SMNDC1: variants seen among roughly 807,000 people sequenced by gnomAD.
SMNDC1 encodes the protein survival of motor neuron-related-splicing factor 30.
Under a neutral mutation model 29.2 loss-of-function variants are expected in SMNDC1, and 5 were observed. The observed-to-expected ratio is 0.17, with a 90% CI of 0.09 to 0.36. The LOEUF is 0.36. Among genes scored for constraint, SMNDC1 ranks in the 10% least tolerant of loss-of-function variants. The pLI is 1.00. For synonymous variants in SMNDC1, 80 were observed against 89.9 expected, an observed-to-expected ratio of 0.89 and a Z score of 0.62; for missense variants, 142 against 268.5, an observed-to-expected ratio of 0.53 and a Z score of 3.29.
intron 1 of SMNDC1, chr10:110,304,207 A>C (rs1857703728): frequency 6.6e-6 from 1 of 152,262 alleles, no homozygotes; most frequent in African/African-American, 2.4e-5. Flanking sequence ...CGCCAAATCC[A>C]GCTCAGTCAT....
chr10:110,303,317 G>T, intron 2 of SMNDC1, 151 bp downstream of exon 2: 1 of 592,028 alleles, frequency 1.7e-6, no homozygotes, highest in Non-Finnish European at 2.8e-6. Context: ...AACTGGGGAA[G>T]CAACCCTACT....
chr10:110,299,302 T>C (rs1857611961), intron 2 of SMNDC1, among the ~76,000 whole-genome samples: 1 of 152,182 alleles, frequency 6.6e-6, no homozygotes, highest in Non-Finnish European at 1.5e-5. Flanking sequence ...CTACAGGCAA[T>C]GTAAAAGAAA....
Position 110,292,059 on chromosome 10 carries a change from AG to A in SMNDC1, c.*2090del, listed in dbSNP as rs1373695119. 6.6e-6 allele frequency: 1 copy of A among 152,222 alleles called. No homozygotes were observed. The highest frequency in any genetic ancestry group is 3.2e-3 in the Middle Eastern group (1 of 316). The allele number at this position is 152,222 out of a possible 1,614,324, so 9.4% of individuals were successfully genotyped here. On this transcript the variant is annotated 3_prime_UTR_variant, in exon 6 of 6. Coordinates refer to ENST00000369603, the MANE Select transcript of SMNDC1 (RefSeq NM_005871.4). ...AGGTTTATATTTTGTTTCAGAATAT[AG>A]AGAGCTTAACCACCTTCAACTGTAA...
At chr10:110,298,627 A>T in intron 3 of SMNDC1, 21 bp downstream of exon 3, 2 of 1,561,656 alleles carry the variant, frequency 1.3e-6, no homozygotes, top group Non-Finnish European at 1.7e-6. Flanking sequence ...TTATAGTTAG[A>T]GTTTTTTTTT....
rs184690362 is a variant in SMNDC1, at chr10:110,295,709, T to C, written c.426-328A>G. On this transcript the variant is annotated intron_variant, in intron 4 of 5. Transcript: ENST00000369603. ...GGAGTTGGAGTACAGTGGCACAATCTTGGCTCACAGCAACCTCCACCTCCT... is the reference window on the plus strand; with the variant it reads ...GGAGTTGGAGTACAGTGGCACAATCCTGGCTCACAGCAACCTCCACCTCCT... Among the ~76,000 whole-genome samples, 287 of 151,986 alleles carry C rather than the reference T, an allele frequency of 1.9e-3. 1 individual carries two copies. The highest frequency in any genetic ancestry group is 4.3e-3 in the Admixed American group (66 of 15,234).
rs749704645 is a variant in SMNDC1 at position 110,291,420 on chromosome 10, TAC to T, written c.*2728_*2729del. The T allele has an allele frequency of 5.3e-5, 8 of 152,354 alleles. No individual in the cohort carries two copies. Among genetic ancestry groups the T allele is most frequent in the Non-Finnish European group, 1.0e-4 (7 of 68,034 alleles). The allele number at this position is 152,354 out of a possible 1,614,324, so 9.4% of individuals were successfully genotyped here. On this transcript the variant is annotated 3_prime_UTR_variant, in exon 6 of 6. Transcript: ENST00000369603. Reference sequence around the variant, plus strand: ...TGGTAATTTGATAACACTTCAATAATACAGTTATAATTGGATGCCTCAAATCA... The same window carrying T: ...TGGTAATTTGATAACACTTCAATAATAGTTATAATTGGATGCCTCAAATCA...
At chr10:110,298,612 TC>T (rs1452667959) in intron 3 of SMNDC1, 35 bp downstream of exon 3, 1 of 1,548,348 alleles carries the variant, frequency 6.5e-7, no homozygotes, top group Non-Finnish European at 8.8e-7. Context: ...TTTTATTATT[TC>T]ATGTTATAGT....
rs1329903102 is a variant in SMNDC1, at chr10:110,290,990, A to C, written c.*3160T>G. ...TTTAAGGCAGACATTTGGCATTAGA[A>C]TTGCATACTGGAAACAGACACACAC... On this transcript the variant is annotated 3_prime_UTR_variant, in exon 6 of 6. Transcript: ENST00000369603. 1 of 152,182 alleles carries C rather than the reference A, an allele frequency of 6.6e-6. No homozygotes were observed. Among genetic ancestry groups the C allele is most frequent in the Non-Finnish European group, 1.5e-5 (1 of 68,030 alleles). The allele number at this position is 152,182 out of a possible 1,614,324, so 9.4% of individuals were successfully genotyped here.
intron 3 of SMNDC1, 125 bp downstream of exon 3, chr10:110,298,523 T>G: frequency 1.4e-6 from 1 of 708,180 alleles, no homozygotes; most frequent in Non-Finnish European, 2.2e-6. Context: ...TCAAATTGGC[T>G]CTATAAATCA....
chr10:110,296,554 T>G (rs968916280), intron 4 of SMNDC1, among the ~76,000 whole-genome samples: 1 of 152,130 alleles, frequency 6.6e-6, no homozygotes, highest in African/African-American at 2.4e-5. Context: ...ACCAAAATAT[T>G]GTTAATTCTG....
At chr10:110,295,939 G>T (rs1857557326) in intron 4 of SMNDC1, among the ~76,000 whole-genome samples, 1 of 152,190 alleles carries the variant, frequency 6.6e-6, no homozygotes, top group African/African-American at 2.4e-5. Flanking sequence ...ACTGCGCCCA[G>T]CCTTAATTAT....
intron 3 of SMNDC1, among the ~76,000 whole-genome samples, chr10:110,298,302 T>TA (rs1442995948): frequency 2.0e-5 from 3 of 152,224 alleles, no homozygotes; most frequent in African/African-American, 7.2e-5. Context: ...AGATATTTCT[T>TA]ATAGGAATGA....
At chr10:110,300,853 C>G (rs1191153378) in intron 2 of SMNDC1, 1 of 298,496 alleles carries the variant, frequency 3.4e-6, no homozygotes, top group African/African-American at 2.3e-5. Flanking sequence ...GGGAGCTAGT[C>G]AGCTAGCTAG....
At chr10:110,294,563 CT>C (rs1857539915) in intron 5 of SMNDC1, among the ~76,000 whole-genome samples, 1 of 152,174 alleles carries the variant, frequency 6.6e-6, no homozygotes, top group Non-Finnish European at 1.5e-5. Flanking sequence ...AACGCAAATC[CT>C]AACTTCAGCT....
intron 4 of SMNDC1, among the ~76,000 whole-genome samples, chr10:110,295,638 CTT>C (rs34495271): frequency 1.3e-4 from 19 of 142,180 alleles, no homozygotes; most frequent in Admixed American, 2.1e-4. Context: ...TCAACTATGC[CTT>C]TTTTTTTTTT....
chr10:110,302,172 A>G (rs1239251315), intron 2 of SMNDC1, among the ~76,000 whole-genome samples: 1 of 152,226 alleles, frequency 6.6e-6, no homozygotes, highest in Non-Finnish European at 1.5e-5. Context: ...CTGTTGCCTC[A>G]TCTTCAATGT....
chr10:110,293,026 T>G lies in SMNDC1; in HGVS notation c.*1124A>C, dbSNP rs56969989. On this transcript the variant is annotated 3_prime_UTR_variant, in exon 6 of 6. Transcript: ENST00000369603. ...GCTGACAGCTAAAGACTTTACCCTT[T>G]TGTTAACACACCCTGGAGATTTTAA... 1.9e-3 allele frequency: 286 copies of G among 152,316 alleles called. 1 individual carries two copies. Among genetic ancestry groups the G allele is most frequent in the Middle Eastern group, 0.014 (4 of 294 alleles). The allele number at this position is 152,316 out of a possible 1,614,324, so 9.4% of individuals were successfully genotyped here.
At chr10:110,301,803 T>G (rs1857653807) in intron 2 of SMNDC1, among the ~76,000 whole-genome samples, 1 of 152,248 alleles carries the variant, frequency 6.6e-6, no homozygotes, top group Non-Finnish European at 1.5e-5. Flanking sequence ...AGCAAGCCTT[T>G]TAGGGGCTTA....
chr10:110,303,656 C>A, intron 1 of SMNDC1, 69 bp from the exon 2 acceptor site: 1 of 1,482,506 alleles, frequency 6.7e-7, no homozygotes, highest in East Asian at 2.5e-5. Flanking sequence ...AACTAACTCC[C>A]CTGTCTGCCT....
Sources: allele counts gnomAD v4.1 joint callset (sites outside exome capture counted in the v4.1 genomes callset), GRCh38; gene constraint gnomAD v4.1.1; transcripts MANE v1.5; gene names NCBI Gene and HGNC (gene_info 2026-07-23, HGNC 2026-07-21).